UBN2: variants seen among roughly 807,000 people sequenced by gnomAD.
UBN2 encodes the protein ubinuclein 2, also known as ubinuclein-2.
A neutral mutation model predicts 120.2 loss-of-function variants in UBN2; 35 were observed. That is an observed-to-expected ratio of 0.29 (90% CI 0.22 to 0.39). The LOEUF (loss-of-function observed/expected upper bound fraction) is 0.39. Among genes scored for constraint, UBN2 ranks in the 10% least tolerant of loss-of-function variants. The pLI, the probability that UBN2 is intolerant of heterozygous loss-of-function variation, is 1.00. For synonymous variants in UBN2, 661 were observed against 648.7 expected (o/e 1.02, Z -0.29); for missense variants, 1,693 against 1,663.2 (o/e 1.02, Z -0.31).
At chr7:139,257,117 GTTCCTTTT>G (rs1200401050) in intron 3 of UBN2, among the ~76,000 whole-genome samples, 7 of 152,162 alleles carry the variant, frequency 4.6e-5, no homozygotes, top group Non-Finnish European at 1.0e-4. Context: ...AATCAGATAA[GTTCCTTTT>G]TTCTTTCCTA....
At chr7:139,322,775 T>A in the UBN2 span, among the ~76,000 whole-genome samples, 2 of 151,976 alleles carry the variant, frequency 1.3e-5, no homozygotes, top group Non-Finnish European at 2.9e-5. Context: ...CCTGACCTCA[T>A]GATCTGCCCG....
intron 12 of UBN2, chr7:139,277,766 C>T (rs956759738): frequency 6.6e-6 from 1 of 152,106 alleles, no homozygotes; most frequent in Non-Finnish European, 1.5e-5. Flanking sequence ...ACAGTAGTCC[C>T]CCTTATCCTC....
rs1000352385 is a variant in UBN2 at position 139,306,372 on chromosome 7, A to G, written c.*8536A>G. 16 of 152,196 alleles carry G rather than the reference A, an allele frequency of 1.1e-4. 1 individual carries two copies. Among genetic ancestry groups the G allele is most frequent in the African/African-American group, 3.4e-4 (14 of 41,448 alleles). 9.4% of individuals were successfully genotyped at this position (152,196 alleles called of 1,614,324 possible). Reference sequence around the variant, plus strand: ...TTGGGTTTTCTTTACTATACCTGCAAAATTACCAAGGGTTACCCCAATATT... The same window carrying G: ...TTGGGTTTTCTTTACTATACCTGCAGAATTACCAAGGGTTACCCCAATATT... On this transcript the variant is annotated 3_prime_UTR_variant, in exon 18 of 18. Transcript: ENST00000473989.
Position 139,276,139 on chromosome 7 carries a change from T to G in UBN2, c.2016T>G (p.Thr672=). ...KESRSVHNHL[T]SAPAKKKVIP... ...GCCGGAGTGTTCATAATCATCTTAC[T>G]TCTGCTCCGTGAGTAAATGCAGACT... is the stretch of plus-strand genomic sequence containing the variant. Residue 672 remains threonine (T), a synonymous_variant, in exon 12 of 18, where the codon ACT becomes ACG. Coordinates refer to ENST00000473989, the MANE Select transcript of UBN2 (RefSeq NM_173569.4). 6.2e-7 allele frequency: 1 copy of G among 1,613,622 alleles called. No individual in the cohort carries two copies. The highest frequency in any genetic ancestry group is 1.3e-5 in the African/African-American group (1 of 75,038).
At chr7:139,254,919 G>C (rs79578497) in intron 3 of UBN2, among the ~76,000 whole-genome samples, 4,061 of 152,280 alleles carry the variant, frequency 0.027, 204 homozygotes, top group African/African-American at 0.094. Context: ...ACATTTGTTA[G>C]AGTTGATGAG....
At chr7:139,324,609 T>A in the UBN2 span, among the ~76,000 whole-genome samples, 12 of 151,286 alleles carry the variant, frequency 7.9e-5, no homozygotes, top group Admixed American at 2.6e-4. Flanking sequence ...GAGAGAAATT[T>A]GAAAAATGAA....
Position 139,293,338 on chromosome 7 carries a change from G to A in UBN2, c.3776G>A (p.Gly1259Asp). The change falls in exon 16 of 18, where the codon GGC (glycine) becomes GAC (aspartate). Residue 1259 changes from glycine (G) to aspartate (D), a missense_variant. Physicochemically the swap from Gly to Asp is moderately conservative, Grantham distance 94 (BLOSUM62 -1). Coordinates refer to ENST00000473989, the MANE Select transcript of UBN2 (RefSeq NM_173569.4). Reference sequence around the variant, plus strand: ...GTGACTCCTTTTGGGATGCTGGGTGGCCTTGTTCCAGTGACCATGCCCTTC... The same window carrying A: ...GTGACTCCTTTTGGGATGCTGGGTGACCTTGTTCCAGTGACCATGCCCTTC... ...QNVTPFGMLG[G>D]LVPVTMPFQF... 1 of 1,614,136 alleles carries A rather than the reference G, an allele frequency of 6.2e-7. No individual in the cohort carries two copies.
At chr7:139,295,375 A>AG (rs146891743) in intron 17 of UBN2, among the ~76,000 whole-genome samples, 1,916 of 152,242 alleles carry the variant, frequency 0.013, 48 homozygotes, top group African/African-American at 0.043. Context: ...CTGTGACTAA[A>AG]GCATGTCCCC....
chr7:139,329,720 G>A, the UBN2 span, among the ~76,000 whole-genome samples: 1 of 151,914 alleles, frequency 6.6e-6, no homozygotes, highest in Non-Finnish European at 1.5e-5. Context: ...GTATGTTTCT[G>A]CTTGTACAGG....
Position 139,242,443 on chromosome 7 carries a change from A to G in UBN2, c.561+5346A>G, listed in dbSNP as rs556070488. Among the ~76,000 whole-genome samples, 3 of 152,348 alleles carry G rather than the reference A, an allele frequency of 2.0e-5. No homozygotes were observed. The East Asian group carries it at 5.8e-4, about 29-fold the overall frequency. Reference sequence around the variant, plus strand: ...GGCAAACTTGTTGACACCACCACAAAGTAAATTCTACTTGCAAAACACAAA... The same window carrying G: ...GGCAAACTTGTTGACACCACCACAAGGTAAATTCTACTTGCAAAACACAAA... On this transcript the variant is annotated intron_variant, in intron 2 of 17. Coordinates refer to ENST00000473989, the MANE Select transcript of UBN2 (RefSeq NM_173569.4).
Position 139,283,055 on chromosome 7 carries a change from C to T in UBN2, c.2150C>T (p.Pro717Leu). 1 of 1,606,396 alleles carries T rather than the reference C, an allele frequency of 6.2e-7. No individual in the cohort carries two copies. Among genetic ancestry groups the T allele is most frequent in the Middle Eastern group, 1.7e-4 (1 of 6,016 alleles). The stretch of plus-strand genomic sequence containing the variant: ...AGTCCAAAAAAGGACCAGAAAACTC[C>T]AACATCCCTGGTGGCTTCGGTTAGC... ...ECSPKKDQKT[P>L]TSLVASVSGP... Residue 717 changes from proline to leucine, a missense_variant, in exon 15 of 18, where the codon CCA becomes CTA. By Grantham distance (98) the Pro-to-Leu change is moderately conservative. This residue lies in a region of UBN2 where 837 missense variants were observed against 817.6 expected (regional missense o/e 1.02). Transcript: ENST00000473989.
the UBN2 span, among the ~76,000 whole-genome samples, chr7:139,320,323 G>C: frequency 6.6e-6 from 1 of 151,590 alleles, no homozygotes; most frequent in Admixed American, 6.6e-5. Context: ...TTAGCCCGGC[G>C]TGGTGGCAGG....
chr7:139,318,865 G>C, the UBN2 span, among the ~76,000 whole-genome samples: 4 of 152,018 alleles, frequency 2.6e-5, no homozygotes, highest in East Asian at 3.9e-4. Flanking sequence ...GCGTGGTAAG[G>C]GCTAGTGGTT....
chr7:139,323,988 T>G, the UBN2 span, among the ~76,000 whole-genome samples: 1 of 152,176 alleles, frequency 6.6e-6, no homozygotes, highest in African/African-American at 2.4e-5. Flanking sequence ...TGCATTTTTC[T>G]GACCTGGGTG....
At chr7:139,314,976 A>ATAT in the UBN2 span, among the ~76,000 whole-genome samples, 10 of 147,956 alleles carry the variant, frequency 6.8e-5, no homozygotes, top group Non-Finnish European at 1.0e-4. Flanking sequence ...AATAATAATA[A>ATAT]TATTATTATT....
At chr7:139,290,747 G>A (rs1245158698) in intron 15 of UBN2, among the ~76,000 whole-genome samples, 1 of 152,182 alleles carries the variant, frequency 6.6e-6, no homozygotes, top group African/African-American at 2.4e-5. Flanking sequence ...AACAAATAAA[G>A]GAGAACAGGG....
chr7:139,244,713 G>GT (rs1371881379), intron 2 of UBN2, among the ~76,000 whole-genome samples: 3 of 151,852 alleles, frequency 2.0e-5, no homozygotes, highest in African/African-American at 4.8e-5. Flanking sequence ...GCTATGTTTT[G>GT]TTTTTCATAG....
chr7:139,267,047 G>T (rs1159885374), intron 7 of UBN2, among the ~76,000 whole-genome samples: 1 of 152,102 alleles, frequency 6.6e-6, no homozygotes, highest in Non-Finnish European at 1.5e-5. Flanking sequence ...CTAAGGTTGT[G>T]GTCAAATAAA....
rs1798369977 is a variant in UBN2 at position 139,307,047 on chromosome 7, A to G, written c.*9211A>G. On this transcript the variant is annotated 3_prime_UTR_variant, in exon 18 of 18. Coordinates refer to ENST00000473989, the MANE Select transcript of UBN2 (RefSeq NM_173569.4). ...GAAAGACTTGTTTGGTAGCCCAAGG[A>G]AAAACAGGATGTATTTATACAGTGA... is the stretch of plus-strand genomic sequence containing the variant. 1 of 152,212 alleles carries G rather than the reference A, an allele frequency of 6.6e-6. No homozygotes were observed. Among genetic ancestry groups the G allele is most frequent in the Admixed American group, 6.5e-5 (1 of 15,274 alleles). 9.4% of individuals were successfully genotyped at this position (152,212 alleles called of 1,614,324 possible).
Sources: allele counts gnomAD v4.1 joint callset (sites outside exome capture counted in the v4.1 genomes callset), GRCh38; gene constraint gnomAD v4.1.1; regional missense constraint gnomAD v4.1.1; transcripts MANE v1.5; gene names NCBI Gene and HGNC (gene_info 2026-07-23, HGNC 2026-07-21).